ZNRF3: variants seen among roughly 807,000 people sequenced by gnomAD.
ZNRF3 encodes the protein E3 ubiquitin-protein ligase ZNRF3.
A neutral mutation model predicts 72.5 loss-of-function variants in ZNRF3; 23 were observed. That is an observed-to-expected ratio of 0.32 (90% confidence interval 0.23 to 0.45). The LOEUF (loss-of-function observed/expected upper bound fraction) is 0.45. ZNRF3 is among the 20% of genes least tolerant of loss of function. The pLI is 1.00. For synonymous variants in ZNRF3, 610 were observed against 545.3 expected (o/e 1.12, Z -1.65); for missense variants, 1,169 against 1,272.1 (o/e 0.92, Z 1.23).
intron 2 of ZNRF3, among the ~76,000 whole-genome samples, chr22:28,993,154 T>C (rs2035986575): frequency 6.6e-6 from 1 of 152,230 alleles, no homozygotes; most frequent in Non-Finnish European, 1.5e-5. Flanking sequence ...AATGTTCACT[T>C]GGCAGTGGCA....
At chr22:29,044,589 C>T (rs1418182395) in intron 4 of ZNRF3, among the ~76,000 whole-genome samples, 191 bp from the exon 5 acceptor site, 4 of 152,240 alleles carry the variant, frequency 2.6e-5, no homozygotes, top group African/African-American at 7.2e-5. Flanking sequence ...CCCTGGGCCA[C>T]ACCAAAGGCA....
intron 2 of ZNRF3, among the ~76,000 whole-genome samples, chr22:29,027,510 A>C (rs2036662279): frequency 6.6e-6 from 1 of 152,002 alleles, no homozygotes; most frequent in Non-Finnish European, 1.5e-5. Context: ...CGGCCTCTTG[A>C]AGTGCTGGGA....
intron 1 of ZNRF3, among the ~76,000 whole-genome samples, chr22:28,956,802 T>G (rs1186874706): frequency 2.6e-5 from 4 of 152,178 alleles, no homozygotes; most frequent in Admixed American, 2.6e-4. Flanking sequence ...CTCCATTGCC[T>G]CATGCCCTGG....
At chr22:28,918,483 G>GGTGC (rs1174201283) in intron 1 of ZNRF3, among the ~76,000 whole-genome samples, 1 of 151,340 alleles carries the variant, frequency 6.6e-6, no homozygotes, top group East Asian at 1.9e-4. Flanking sequence ...TGCATGTGTG[G>GGTGC]GTGCGTGCGT....
At chr22:28,988,063 A>G (rs905376668) in intron 2 of ZNRF3, among the ~76,000 whole-genome samples, 1 of 152,242 alleles carries the variant, frequency 6.6e-6, no homozygotes, top group African/African-American at 2.4e-5. Flanking sequence ...GCCACTCATC[A>G]ACAATCTTAA....
chr22:28,950,167 G>A (rs2035133200), intron 1 of ZNRF3, among the ~76,000 whole-genome samples: 1 of 152,168 alleles, frequency 6.6e-6, no homozygotes, highest in African/African-American at 2.4e-5. Flanking sequence ...CAGTGCAAAT[G>A]TCAGCAGACT....
chr22:28,953,850 A>G (rs1653877333), intron 1 of ZNRF3, among the ~76,000 whole-genome samples: 1 of 152,152 alleles, frequency 6.6e-6, no homozygotes, highest in Non-Finnish European at 1.5e-5. Flanking sequence ...TGTGCTTCAG[A>G]ATAGGGACCT....
chr22:28,949,454 T>A (rs555080638), intron 1 of ZNRF3, among the ~76,000 whole-genome samples: 6 of 152,082 alleles, frequency 3.9e-5, no homozygotes, highest in South Asian at 2.1e-4. Flanking sequence ...TTTTTATTTT[T>A]TTTTTATACT....
intron 2 of ZNRF3, among the ~76,000 whole-genome samples, chr22:29,036,908 A>G (rs943961106): frequency 2.6e-5 from 4 of 152,356 alleles, no homozygotes; most frequent in Non-Finnish European, 5.9e-5. Context: ...GCAAAATTGT[A>G]TTCAGTAGAG....
intron 2 of ZNRF3, among the ~76,000 whole-genome samples, chr22:28,990,055 A>T (rs1005642726): frequency 6.6e-6 from 1 of 152,232 alleles, no homozygotes; most frequent in Non-Finnish European, 1.5e-5. Flanking sequence ...AGGTACAGTC[A>T]GGATCAGCTA....
intron 2 of ZNRF3, among the ~76,000 whole-genome samples, chr22:29,004,362 A>C (rs2036202509): frequency 1.3e-5 from 2 of 152,204 alleles, no homozygotes; most frequent in Non-Finnish European, 2.9e-5. Flanking sequence ...GGAACCCTGA[A>C]GTTAGGAGGC....
At chr22:28,962,903 GT>G (rs577355696) in intron 1 of ZNRF3, among the ~76,000 whole-genome samples, 1 of 152,164 alleles carries the variant, frequency 6.6e-6, no homozygotes, top group Non-Finnish European at 1.5e-5. Context: ...GAAGGAAGCC[GT>G]TTTATGCACA....
intron 1 of ZNRF3, among the ~76,000 whole-genome samples, chr22:28,947,606 C>T (rs1360945100): frequency 6.6e-6 from 1 of 152,200 alleles, no homozygotes; most frequent in Non-Finnish European, 1.5e-5. Context: ...GCACTTCCCT[C>T]ATGCCTAATG....
chr22:28,914,205 C>T (rs1485963007), intron 1 of ZNRF3, among the ~76,000 whole-genome samples: 2 of 152,148 alleles, frequency 1.3e-5, no homozygotes, highest in Admixed American at 1.3e-4. Flanking sequence ...TTCGAGGTGG[C>T]CACCTTCTGT....
In ZNRF3 at chr22:28,905,979, TA is replaced by T. The variant is rs376465074; in HGVS notation, c.300+21915del. 1.8e-4 allele frequency among the ~76,000 whole-genome samples: 27 copies of T among 152,212 alleles called. No homozygotes were observed. In the East Asian group the frequency reaches 2.9e-3, roughly 16 times the overall value. ...TGTGTCTTATAGCCTCACCATGAGGTAATTGGAGGCAGGTAAATCCAATGGC... is the reference window on the plus strand; with the variant it reads ...TGTGTCTTATAGCCTCACCATGAGGTATTGGAGGCAGGTAAATCCAATGGC... On this transcript the variant is annotated intron_variant, in intron 1 of 8. Transcript: ENST00000544604.
chr22:29,018,530 A>G (rs1397303395), intron 2 of ZNRF3: 1 of 155,468 alleles, frequency 6.4e-6, no homozygotes, highest in East Asian at 1.9e-4. Context: ...TTGAGAAGTC[A>G]TTAGATAGGG....
At chr22:28,908,093 C>A (rs2034246037) in intron 1 of ZNRF3, among the ~76,000 whole-genome samples, 1 of 152,210 alleles carries the variant, frequency 6.6e-6, no homozygotes, top group Non-Finnish European at 1.5e-5. Context: ...AACTCTTATT[C>A]ATGCTTTCTT....
At chr22:28,892,461 C>T (rs1208188669) in intron 1 of ZNRF3, among the ~76,000 whole-genome samples, 1 of 152,216 alleles carries the variant, frequency 6.6e-6, no homozygotes. Context: ...TCATTTTTAC[C>T]TACCTTTGAG....
intron 1 of ZNRF3, among the ~76,000 whole-genome samples, chr22:28,980,389 A>G (rs1043270717): frequency 7.9e-5 from 12 of 152,262 alleles, no homozygotes; most frequent in Admixed American, 3.9e-4. Context: ...ATCAAGGTTT[A>G]TAGAAATCAA....
Sources: allele counts gnomAD v4.1 joint callset (sites outside exome capture counted in the v4.1 genomes callset), GRCh38; gene constraint gnomAD v4.1.1; transcripts MANE v1.5; gene names NCBI Gene and HGNC (gene_info 2026-07-23, HGNC 2026-07-21).